The following RBFOX2 variants were observed in gnomAD, a reference collection of about 807,000 sequenced individuals.
RBFOX2 encodes RNA binding fox-1 homolog 2.
A neutral mutation model predicts 49.1 loss-of-function variants in RBFOX2; 10 were observed. That is an observed-to-expected ratio of 0.20 (90% CI 0.13 to 0.35). The LOEUF (loss-of-function observed/expected upper bound fraction) is 0.35. Ranked by LOEUF, RBFOX2 falls within the 10% of genes least tolerant of loss-of-function variation. RBFOX2 has a pLI of 1.00. For synonymous variants in RBFOX2, 183 were observed against 187.4 expected, an observed-to-expected ratio of 0.98 and a Z score of 0.19; for missense variants, 323 against 486.9, an observed-to-expected ratio of 0.66 and a Z score of 3.17.
At chr22:35,782,842 G>T (rs1291462809) in intron 2 of RBFOX2, among the ~76,000 whole-genome samples, 1 of 152,098 alleles carries the variant, frequency 6.6e-6, no homozygotes, top group Non-Finnish European at 1.5e-5. Context: ...AAATGAGTGT[G>T]GGTATGCATT....
chr22:35,840,662 G>A (rs1958614722), upstream of RBFOX2: 2 of 1,011,670 alleles, frequency 2.0e-6, no homozygotes, highest in Non-Finnish European at 2.4e-6. Context: ...GTGTGTAGGG[G>A]GGAGGAGGTA....
intron 1 of RBFOX2, among the ~76,000 whole-genome samples, chr22:35,923,017 A>G (rs1391525288): frequency 1.3e-5 from 2 of 152,200 alleles, no homozygotes; most frequent in African/African-American, 4.8e-5. Flanking sequence ...TTCCCCCAAC[A>G]TTTAGTGTGA....
At chr22:35,949,233 T>G (rs2054641224) in intron 1 of RBFOX2, among the ~76,000 whole-genome samples, 1 of 152,262 alleles carries the variant, frequency 6.6e-6, no homozygotes, top group Non-Finnish European at 1.5e-5. Flanking sequence ...CACTGTATTG[T>G]AGCCTACAAT....
At chr22:35,837,104 C>T (rs1957816090) in intron 1 of RBFOX2, among the ~76,000 whole-genome samples, 1 of 152,128 alleles carries the variant, frequency 6.6e-6, no homozygotes, top group African/African-American at 2.4e-5. Context: ...TAGCAGAGCA[C>T]TGATTACTTA....
chr22:35,751,325 G>A (rs1934828004), intron 9 of RBFOX2, among the ~76,000 whole-genome samples: 1 of 152,156 alleles, frequency 6.6e-6, no homozygotes, highest in African/African-American at 2.4e-5. Flanking sequence ...CTGAGGAGGA[G>A]AGTGTGTATT....
intron 1 of RBFOX2, among the ~76,000 whole-genome samples, chr22:36,017,324 C>T (rs746288334): frequency 7.9e-5 from 12 of 151,912 alleles, no homozygotes; most frequent in Non-Finnish European, 2.9e-5. Flanking sequence ...GTCAGGAGTT[C>T]GAGACCAGCC....
chr22:35,975,983 G>A (rs765658970), intron 1 of RBFOX2, among the ~76,000 whole-genome samples: 1 of 152,042 alleles, frequency 6.6e-6, no homozygotes, highest in Non-Finnish European at 1.5e-5. Context: ...TCCACCTCCT[G>A]CTCCCACCCC....
At chr22:35,860,754 G>C (rs552132314) in intron 1 of RBFOX2, among the ~76,000 whole-genome samples, 3 of 152,250 alleles carry the variant, frequency 2.0e-5, no homozygotes, top group Non-Finnish European at 2.9e-5. Flanking sequence ...GATATACACT[G>C]AATCTACAGA....
intron 4 of RBFOX2, among the ~76,000 whole-genome samples, chr22:35,768,650 C>T (rs1317097815): frequency 6.6e-6 from 1 of 152,180 alleles, no homozygotes; most frequent in Non-Finnish European, 1.5e-5. Context: ...TCAAACTATT[C>T]AACCAAAAAT....
chr22:35,820,282 T>G (rs1292259736), intron 1 of RBFOX2, among the ~76,000 whole-genome samples: 2 of 152,210 alleles, frequency 1.3e-5, no homozygotes, highest in Non-Finnish European at 2.9e-5. Context: ...GCGACCCTGA[T>G]AATTCAGCTG....
chr22:35,935,387 T>A (rs1214131027), intron 1 of RBFOX2, among the ~76,000 whole-genome samples: 1 of 152,174 alleles, frequency 6.6e-6, no homozygotes, highest in Non-Finnish European at 1.5e-5. Context: ...CAATGGATTG[T>A]CATCCCATAA....
intron 1 of RBFOX2, among the ~76,000 whole-genome samples, chr22:36,025,797 G>C (rs2059410146): frequency 6.6e-6 from 1 of 152,142 alleles, no homozygotes; most frequent in African/African-American, 2.4e-5. Context: ...GGGAGGCCGA[G>C]GTGGGTGGAT....
intron 1 of RBFOX2, among the ~76,000 whole-genome samples, chr22:35,899,122 A>AATAAC (rs59505989): frequency 0.31 from 42,914 of 139,094 alleles, 6,898 homozygotes; most frequent in African/African-American, 0.36. Context: ...CTGTCTCAAA[A>AATAAC]ATAACATAAC....
chr22:35,841,098 T>C (rs1429629038), upstream of RBFOX2, among the ~76,000 whole-genome samples: 1 of 152,224 alleles, frequency 6.6e-6, no homozygotes, highest in Non-Finnish European at 1.5e-5. Context: ...AAAAGGTGTC[T>C]ACAAATATGA....
intron 6 of RBFOX2, among the ~76,000 whole-genome samples, chr22:35,764,399 A>G (rs1940173516): frequency 1.3e-5 from 2 of 152,164 alleles, no homozygotes; most frequent in Admixed American, 6.5e-5. Flanking sequence ...CCTGGCTAAC[A>G]CGGTGAAACC....
chr22:35,898,403 A>C, intron 1 of RBFOX2: 2 of 473,004 alleles, frequency 4.2e-6, no homozygotes, highest in Non-Finnish European at 3.8e-6. Context: ...AGCGGCCGCC[A>C]TCTTCTCCCA....
intron 1 of RBFOX2, among the ~76,000 whole-genome samples, chr22:35,983,354 A>C (rs555997317): frequency 2.6e-5 from 4 of 152,132 alleles, no homozygotes; most frequent in Non-Finnish European, 5.9e-5. Flanking sequence ...TGTCAAAATC[A>C]AACAGAACCT....
intron 1 of RBFOX2, among the ~76,000 whole-genome samples, chr22:35,861,445 A>AACC (rs1172017543): frequency 2.0e-5 from 3 of 152,192 alleles, no homozygotes; most frequent in African/African-American, 7.2e-5. Flanking sequence ...CTCAAAATTC[A>AACC]ACCATAAGAA....
At chr22:35,809,733 T>C (rs1399436963) in intron 2 of RBFOX2, 47 bp downstream of exon 3, 7 of 1,572,986 alleles carry the variant, frequency 4.5e-6, no homozygotes, top group African/African-American at 2.7e-5. Flanking sequence ...ACAATTTCTA[T>C]ATGATTGCCA....
Sources: gnomAD v4.1 joint callset for allele counts (sites outside exome capture counted in the v4.1 genomes callset) on GRCh38, gnomAD v4.1.1 for gene constraint, MANE v1.5 for transcripts, NCBI Gene and HGNC (gene_info 2026-07-23, HGNC 2026-07-21) for gene names.